ARFGEF1: variants seen among roughly 807,000 people sequenced by gnomAD.
ARFGEF1 encodes ARF guanine nucleotide exchange factor 1.
In ARFGEF1, 42 loss-of-function variants were observed where a neutral mutation model predicts 231.0. The observed-to-expected ratio is 0.18, with a 90% CI of 0.14 to 0.24. ARFGEF1 has a LOEUF of 0.24. Among genes scored for constraint, ARFGEF1 ranks in the 10% least tolerant of loss-of-function variants. ARFGEF1 has a pLI of 1.00. For missense variants in ARFGEF1, 1,345 were observed against 2,192.0 expected (o/e 0.61, Z 7.72); for synonymous variants, 710 against 732.3 (o/e 0.97, Z 0.49).
At chr8:67,229,337 A>G (rs912736011) in intron 23 of ARFGEF1, among the ~76,000 whole-genome samples, 1 of 152,094 alleles carries the variant, frequency 6.6e-6, no homozygotes, top group Non-Finnish European at 1.5e-5. Flanking sequence ...AGCAAAAGGT[A>G]TATTCAACCC....
At chr8:67,340,977 G>T (rs562871796) in intron 1 of ARFGEF1, among the ~76,000 whole-genome samples, 2 of 152,142 alleles carry the variant, frequency 1.3e-5, no homozygotes, top group Admixed American at 1.3e-4. Flanking sequence ...CCCAATGCAC[G>T]AGTTAACAGG....
At chr8:67,281,189 A>C (rs937970789) in intron 7 of ARFGEF1, among the ~76,000 whole-genome samples, 5 of 152,156 alleles carry the variant, frequency 3.3e-5, no homozygotes, top group African/African-American at 2.4e-5. Flanking sequence ...AGACAAAATG[A>C]TGGAAATTAG....
chr8:67,238,962 A>C, intron 20 of ARFGEF1, 69 bp from the exon 21 acceptor site: 2 of 1,239,988 alleles, frequency 1.6e-6, no homozygotes, highest in Non-Finnish European at 2.2e-6. Flanking sequence ...CCCACCAACA[A>C]ACTCTGTTTA....
At chr8:67,288,176 T>G (rs984391259) in intron 6 of ARFGEF1, 111 bp from the exon 7 acceptor site, 1 of 557,088 alleles carries the variant, frequency 1.8e-6, no homozygotes, top group Non-Finnish European at 3.0e-6. Context: ...AGAAAAAAAA[T>G]CAAATAGATA....
At chr8:67,210,676 T>C (rs930885838) in intron 34 of ARFGEF1, among the ~76,000 whole-genome samples, 7 of 152,100 alleles carry the variant, frequency 4.6e-5, no homozygotes, top group Non-Finnish European at 7.4e-5. Flanking sequence ...AAAGCTGACA[T>C]TTCAGGATCA....
chr8:67,242,271 A>G (rs142183066), intron 19 of ARFGEF1, among the ~76,000 whole-genome samples: 87 of 152,316 alleles, frequency 5.7e-4, no homozygotes, highest in African/African-American at 1.9e-3. Flanking sequence ...CCCTCCCCCA[A>G]GCATAGCTTG....
chr8:67,287,848 C>T, intron 7 of ARFGEF1, 107 bp downstream of exon 7: 1 of 701,108 alleles, frequency 1.4e-6, no homozygotes, highest in East Asian at 3.1e-5. Flanking sequence ...CATTGGTTGG[C>T]TCCAAACGTT....
At chr8:67,302,652 A>C (rs1344233824) in intron 1 of ARFGEF1, among the ~76,000 whole-genome samples, 186 bp from the exon 2 acceptor site, 2 of 152,224 alleles carry the variant, frequency 1.3e-5, no homozygotes, top group African/African-American at 4.8e-5. Context: ...ACATAAAACT[A>C]TATGAATAGG....
Position 67,308,212 on chromosome 8 carries a change from T to C in ARFGEF1, c.125-5746A>G, listed in dbSNP as rs541028815. 3.9e-5 allele frequency among the ~76,000 whole-genome samples: 6 copies of C among 152,328 alleles called. No homozygotes were observed. The South Asian group carries it at 1.2e-3, about 32-fold the overall frequency. ...CTGTGGAGCAGCAGCATGCCCCATC[T>C]GAATTCCTGACACACAGAACCTGTA... On this transcript the variant is annotated intron_variant, in intron 1 of 38. Coordinates refer to ENST00000262215, the MANE Select transcript of ARFGEF1 (RefSeq NM_006421.5).
intron 1 of ARFGEF1, among the ~76,000 whole-genome samples, chr8:67,331,286 C>CA (rs942392626): frequency 2.0e-5 from 3 of 152,064 alleles, no homozygotes; most frequent in East Asian, 1.9e-4. Context: ...TGTGTCCTCC[C>CA]AAAAAAATCA....
chr8:67,321,547 A>G (rs915663399), intron 1 of ARFGEF1, among the ~76,000 whole-genome samples: 9 of 151,402 alleles, frequency 5.9e-5, no homozygotes, highest in Non-Finnish European at 7.4e-5. Flanking sequence ...TGAAAGCTCC[A>G]CCTCCCGGGT....
chr8:67,300,838 C>T (rs888573977), intron 3 of ARFGEF1, among the ~76,000 whole-genome samples: 4 of 149,538 alleles, frequency 2.7e-5, no homozygotes, highest in South Asian at 2.1e-4. Context: ...AGCAAGACTT[C>T]GTCTCAAAAA....
At chr8:67,314,495 A>G (rs1587296423) in intron 1 of ARFGEF1, among the ~76,000 whole-genome samples, 2 of 152,130 alleles carry the variant, frequency 1.3e-5, no homozygotes, top group South Asian at 4.1e-4. Context: ...AACTTGACTC[A>G]GCTCCAGGTA....
chr8:67,259,300 C>T (rs1010723598), intron 15 of ARFGEF1, among the ~76,000 whole-genome samples: 10 of 152,214 alleles, frequency 6.6e-5, no homozygotes, highest in African/African-American at 2.4e-4. Context: ...AATCTTGGCT[C>T]ACTGCAACCT....
intron 19 of ARFGEF1, among the ~76,000 whole-genome samples, chr8:67,241,073 A>T (rs1839912207): frequency 6.6e-6 from 1 of 152,208 alleles, no homozygotes; most frequent in Non-Finnish European, 1.5e-5. Flanking sequence ...AAATGTTTCT[A>T]TCAGTGCGCT....
At chr8:67,197,151 T>G (rs1460415825), downstream of ARFGEF1, among the ~76,000 whole-genome samples, 2 of 152,184 alleles carry the variant, frequency 1.3e-5, no homozygotes, top group African/African-American at 4.8e-5. Flanking sequence ...CAAAAAATAT[T>G]AAAAGATTTT....
intron 6 of ARFGEF1, 135 bp downstream of exon 6, chr8:67,291,712 A>G (rs1292691687): frequency 1.7e-6 from 2 of 1,185,508 alleles, no homozygotes; most frequent in South Asian, 3.1e-5. Context: ...TACAATGAGG[A>G]AAGTCCACAA....
chr8:67,320,351 C>T (rs1451580725), intron 1 of ARFGEF1, among the ~76,000 whole-genome samples: 1 of 151,358 alleles, frequency 6.6e-6, no homozygotes, highest in Admixed American at 6.6e-5. Flanking sequence ...AATACTGACA[C>T]TCCCAAGAGT....
In ARFGEF1 at chr8:67,268,469, T is replaced by A. The variant is rs544307059; in HGVS notation, c.1573-1027A>T. Among the ~76,000 whole-genome samples, 28 of 152,248 alleles carry A rather than the reference T, an allele frequency of 1.8e-4. No individual in the cohort carries two copies. In the East Asian group the frequency reaches 5.0e-3, roughly 27 times the overall value. ...GCCCTGAAAAAATTCTGAGGCAAAA[T>A]TCAGAGGGAGATACATCTGTTGGAT... On this transcript the variant is annotated intron_variant, in intron 10 of 38. Coordinates refer to ENST00000262215, the MANE Select transcript of ARFGEF1 (RefSeq NM_006421.5).
Sources: gnomAD v4.1 joint callset for allele counts (sites outside exome capture counted in the v4.1 genomes callset) on GRCh38, gnomAD v4.1.1 for gene constraint, MANE v1.5 for transcripts, NCBI Gene and HGNC (gene_info 2026-07-23, HGNC 2026-07-21) for gene names.